HOMER2: variants seen among roughly 807,000 people sequenced by gnomAD.
HOMER2 encodes the protein homer scaffold protein 2.
A neutral mutation model predicts 47.0 loss-of-function variants in HOMER2; 27 were observed. The ratio of observed to expected loss-of-function variants is 0.57; its 90% CI spans 0.42 to 0.79. The LOEUF is 0.79. Ranked by LOEUF, HOMER2 falls within the 30% of genes least tolerant of loss-of-function variation. The probability of loss-of-function intolerance (pLI) is 0.00; values close to 1 mark genes in which losing one functional copy is unlikely to be tolerated. For missense variants in HOMER2, 443 were observed against 435.0 expected (o/e 1.02, Z -0.16); for synonymous variants, 161 against 163.8 (o/e 0.98, Z 0.13).
At chr15:82,923,546 G>A (rs1205925765) in intron 1 of HOMER2, among the ~76,000 whole-genome samples, 3 of 151,040 alleles carry the variant, frequency 2.0e-5, no homozygotes, top group African/African-American at 7.3e-5. Context: ...GTGAACCCCA[G>A]TCTCAGAGGG....
At chr15:82,865,492 A>G (rs1454497508) in intron 3 of HOMER2, among the ~76,000 whole-genome samples, 1 of 152,220 alleles carries the variant, frequency 6.6e-6, no homozygotes, top group African/African-American at 2.4e-5. Context: ...AAAATCATGT[A>G]AAAGACTTGG....
intron 1 of HOMER2, among the ~76,000 whole-genome samples, chr15:82,966,735 T>C (rs1000771906): frequency 6.6e-6 from 1 of 152,212 alleles, no homozygotes; most frequent in African/African-American, 2.4e-5. Context: ...TGACATCTAC[T>C]GCCACACAGC....
chr15:82,896,429 T>C (rs1426530550), intron 1 of HOMER2, among the ~76,000 whole-genome samples: 2 of 152,196 alleles, frequency 1.3e-5, no homozygotes, highest in Admixed American at 6.5e-5. Context: ...ATCTGCCTGC[T>C]CAGCTCTGTG....
Position 82,850,847 on chromosome 15 carries a change from C to T in HOMER2, c.843+304G>A, listed in dbSNP as rs990569022. ...GCCCCACACCCTGACCCTGGGCTCT[C>T]AGGCCGCCCCCCCGCTCCTCACCCC... On this transcript the variant is annotated intron_variant, in intron 8 of 8. Transcript: ENST00000450735. 9.2e-5 allele frequency among the ~76,000 whole-genome samples: 14 copies of T among 152,328 alleles called. No individual in the cohort carries two copies. The East Asian group carries it at 2.7e-3, about 29-fold the overall frequency.
At chr15:82,858,627 A>G (rs912565376) in intron 5 of HOMER2, among the ~76,000 whole-genome samples, 3 of 152,022 alleles carry the variant, frequency 2.0e-5, no homozygotes, top group Non-Finnish European at 4.4e-5. Context: ...ATAAATGATA[A>G]ATTTGCCTCC....
At chr15:82,912,335 T>C (rs7171095) in intron 1 of HOMER2, among the ~76,000 whole-genome samples, 89,910 of 152,126 alleles carry the variant, frequency 0.59, 28,113 homozygotes, top group African/African-American at 0.79. Flanking sequence ...TTGAATCATA[T>C]AATATGTGGC....
intron 1 of HOMER2, among the ~76,000 whole-genome samples, chr15:82,948,926 T>A (rs1469720683): frequency 6.6e-6 from 1 of 151,806 alleles, no homozygotes; most frequent in Non-Finnish European, 1.5e-5. Flanking sequence ...CAACCCAGAG[T>A]GGATACTGGG....
At chr15:82,985,173 G>C (rs1052673082) in intron 1 of HOMER2, among the ~76,000 whole-genome samples, 1 of 152,310 alleles carries the variant, frequency 6.6e-6, no homozygotes, top group African/African-American at 2.4e-5. Flanking sequence ...ACAGGGTCTG[G>C]TTTACCACTG....
upstream of HOMER2, among the ~76,000 whole-genome samples, chr15:82,956,965 T>A (rs533602404): frequency 6.6e-6 from 1 of 152,128 alleles, no homozygotes; most frequent in Non-Finnish European, 1.5e-5. Context: ...AGTGGCGATA[T>A]CTCTTTGGAC....
chr15:82,869,728 G>T (rs114078890), intron 3 of HOMER2, among the ~76,000 whole-genome samples: 1 of 152,138 alleles, frequency 6.6e-6, no homozygotes, highest in Admixed American at 6.5e-5. Context: ...AAAATGCTCC[G>T]ATTACAGGCA....
At chr15:82,872,595 G>T (rs367822280) in intron 3 of HOMER2, among the ~76,000 whole-genome samples, 39 of 152,244 alleles carry the variant, frequency 2.6e-4, no homozygotes, top group Admixed American at 3.3e-4. Flanking sequence ...AGCCTTCCAC[G>T]ACTGGACCTT....
intron 2 of HOMER2, among the ~76,000 whole-genome samples, chr15:82,880,105 A>C (rs972288248): frequency 6.6e-6 from 1 of 152,364 alleles, no homozygotes; most frequent in Admixed American, 6.5e-5. Context: ...AGGGGTCAGC[A>C]AACTATAACC....
chr15:82,879,500 AG>A (rs1485699328), intron 2 of HOMER2, among the ~76,000 whole-genome samples: 1 of 152,222 alleles, frequency 6.6e-6, no homozygotes, highest in Non-Finnish European at 1.5e-5. Flanking sequence ...CCTACCTCTA[AG>A]AAAAAAGAAA....
rs576948235 is a variant in HOMER2 at position 82,940,533 on chromosome 15, G to A, written c.5+11998C>T. ...CCAAGGCGGGCGGATCACGAGGTCAGGAGATCGAGACCATCCTGGCTAACA... is the reference window on the plus strand; with the variant it reads ...CCAAGGCGGGCGGATCACGAGGTCAAGAGATCGAGACCATCCTGGCTAACA... On this transcript the variant is annotated intron_variant, in intron 1 of 8. Transcript: ENST00000450735. 9.9e-5 allele frequency among the ~76,000 whole-genome samples: 15 copies of A among 152,268 alleles called. No homozygotes were observed. In the South Asian group the frequency reaches 2.9e-3, roughly 29 times the overall value.
At chr15:82,947,070 G>A (rs2054398596) in intron 1 of HOMER2, among the ~76,000 whole-genome samples, 1 of 152,180 alleles carries the variant, frequency 6.6e-6, no homozygotes, top group South Asian at 2.1e-4. Flanking sequence ...TAACTAGTGG[G>A]TCTGCTCATC....
chr15:82,868,543 T>TATATATATATATATATATATGTA (rs1567023464), intron 3 of HOMER2, among the ~76,000 whole-genome samples: 1 of 36,832 alleles, frequency 2.7e-5, no homozygotes, highest in African/African-American at 9.0e-5. Context: ...ATATATATAT[T>TATATATATATATATATATATGTA]TTTTTTTTTT....
downstream of HOMER2, among the ~76,000 whole-genome samples, chr15:82,957,887 G>A (rs536469719): frequency 1.1e-4 from 17 of 152,244 alleles, no homozygotes; most frequent in East Asian, 3.1e-3. Flanking sequence ...ACCCAGGCTG[G>A]AGTGCAGTGG....
chr15:82,940,143 A>T (rs1324795046), intron 1 of HOMER2, among the ~76,000 whole-genome samples: 1 of 152,130 alleles, frequency 6.6e-6, no homozygotes, highest in Non-Finnish European at 1.5e-5. Flanking sequence ...GGTGCAGCAC[A>T]CCAACATGGC....
At chr15:82,907,000 AG>A (rs1206528411) in intron 1 of HOMER2, among the ~76,000 whole-genome samples, 1 of 152,344 alleles carries the variant, frequency 6.6e-6, no homozygotes, top group East Asian at 1.9e-4. Flanking sequence ...CAGAACTACA[AG>A]AAAAAAATTA....
Sources: gnomAD v4.1 joint callset for allele counts (sites outside exome capture counted in the v4.1 genomes callset) on GRCh38, gnomAD v4.1.1 for gene constraint, MANE v1.5 for transcripts, NCBI Gene and HGNC (gene_info 2026-07-23, HGNC 2026-07-21) for gene names.